KIAA1671: variants seen among roughly 807,000 people sequenced by gnomAD.
KIAA1671 encodes the protein uncharacterized protein KIAA1671.
Under a neutral mutation model 131.2 loss-of-function variants are expected in KIAA1671, and 52 were observed. The ratio of observed to expected loss-of-function variants is 0.40; its 90% CI spans 0.32 to 0.50. The LOEUF (loss-of-function observed/expected upper bound fraction) is 0.50. Ranked by LOEUF, KIAA1671 falls within the 20% of genes least tolerant of loss-of-function variation. The pLI, the probability that KIAA1671 is intolerant of heterozygous loss-of-function variation, is 0.73. For synonymous variants in KIAA1671, 1,003 were observed against 961.6 expected, an observed-to-expected ratio of 1.04 and a Z score of -0.80; for missense variants, 2,360 against 2,364.2, an observed-to-expected ratio of 1.00 and a Z score of 0.04.
intron 3 of KIAA1671, among the ~76,000 whole-genome samples, chr22:25,029,960 T>A (rs16979442): frequency 0.074 from 11,302 of 152,282 alleles, 1,404 homozygotes; most frequent in African/African-American, 0.26. Flanking sequence ...GGCCTAAGCC[T>A]TTATGAGTGG....
chr22:25,187,445 G>A (rs6004474), intron 11 of KIAA1671, among the ~76,000 whole-genome samples: 49,643 of 151,850 alleles, frequency 0.33, 8,499 homozygotes, highest in East Asian at 0.47. Context: ...ATGTTTTCCC[G>A]TGCCCATTTA....
chr22:25,028,014 C>G lies in KIAA1671; in HGVS notation c.15C>G (p.Val5=). Residue 5 remains valine (V), a synonymous_variant, in exon 3 of 13, where the codon GTC becomes GTG. Transcript: ENST00000358431. ...CAACCATAACCATGGCCACGCGGGTCGAGGTGGGCTCCATAACGCCCTTGA... is the reference window on the plus strand; with the variant it reads ...CAACCATAACCATGGCCACGCGGGTGGAGGTGGGCTCCATAACGCCCTTGA... MATR[V]EVGSITPLTA... is the part of the protein sequence containing the mutation. 6.7e-7 allele frequency: 1 copy of G among 1,494,888 alleles called. No homozygotes were observed. Among genetic ancestry groups the G allele is most frequent in the Non-Finnish European group, 8.9e-7 (1 of 1,118,050 alleles). 92.6% of individuals were successfully genotyped at this position (1,494,888 alleles called of 1,614,324 possible). A position where few individuals can be genotyped will look rare whatever the true frequency, so the allele number is the denominator to read the frequency against.
At chr22:24,988,600 G>T (rs1439334674) in intron 1 of KIAA1671, among the ~76,000 whole-genome samples, 1 of 148,852 alleles carries the variant, frequency 6.7e-6, no homozygotes. Flanking sequence ...GCCAGGCATG[G>T]TGGCTAGTGC....
Position 24,963,364 on chromosome 22 carries a change from CAAAAAAAAAAAAAAA to C in KIAA1671, c.-208+10602_-208+10616del, listed in dbSNP as rs766667437. Among the ~76,000 whole-genome samples, 8 of 46,646 alleles carry C rather than the reference CAAAAAAAAAAAAAAA, an allele frequency of 1.7e-4. No individual in the cohort carries two copies. In the South Asian group the frequency reaches 3.9e-3, roughly 23 times the overall value. 30.6% of individuals were successfully genotyped at this position (46,646 alleles called of 152,430 possible). A position where few individuals can be genotyped will look rare whatever the true frequency, so the allele number is the denominator to read the frequency against. ...GGGCAACAAGAGTGAAACTCCATCT[CAAAAAAAAAAAAAAA>C]AAAAAAAAAGTATCCTGTATTGATC... On this transcript the variant is annotated intron_variant, in intron 1 of 12. Transcript: ENST00000358431.
In KIAA1671 at chr22:25,196,324, A is replaced by C. The variant is rs893995533; in HGVS notation, c.*3923A>C. The stretch of plus-strand genomic sequence containing the variant: ...AGAATCTCCTTCAGTGGTTGCTCTC[A>C]CACCTGTGCCATAACATCATCTTCC... On this transcript the variant is annotated 3_prime_UTR_variant, in exon 13 of 13. Transcript: ENST00000358431. The C allele has an allele frequency of 1.3e-5, 2 of 152,008 alleles. No individual in the cohort carries two copies. Among genetic ancestry groups the C allele is most frequent in the African/African-American group, 4.8e-5 (2 of 41,358 alleles). The allele number at this position is 152,008 out of a possible 1,614,324, so 9.4% of individuals were successfully genotyped here. A position where few individuals can be genotyped will look rare whatever the true frequency, so the allele number is the denominator to read the frequency against.
At chr22:25,099,464 C>G (rs1452142733) in intron 6 of KIAA1671, among the ~76,000 whole-genome samples, 1 of 150,216 alleles carries the variant, frequency 6.7e-6, no homozygotes, top group Admixed American at 6.6e-5. Context: ...ATCGGAGCAG[C>G]CTTTGGATGA....
intron 9 of KIAA1671, among the ~76,000 whole-genome samples, chr22:25,180,860 A>G (rs544100782): frequency 6.6e-6 from 1 of 152,176 alleles, no homozygotes; most frequent in African/African-American, 2.4e-5. Context: ...GCCAAGTTCT[A>G]TTAAGCCACC....
At position 25,196,083 on chromosome 22, in the gene KIAA1671, A is replaced by T. The variant is rs1934817777; in HGVS notation, c.*3682A>T. On this transcript the variant is annotated 3_prime_UTR_variant, in exon 13 of 13. Coordinates refer to ENST00000358431, the MANE Select transcript of KIAA1671 (RefSeq NM_001145206.2). Reference sequence around the variant, plus strand: ...GGGCTCAGGAAGTTTAGAGCCACGTAAAAAGCTGGTAGGCATGAGTGTGCC... The same window carrying T: ...GGGCTCAGGAAGTTTAGAGCCACGTTAAAAGCTGGTAGGCATGAGTGTGCC... 6.6e-6 allele frequency: 1 copy of T among 152,166 alleles called. No individual in the cohort carries two copies. The highest frequency in any genetic ancestry group is 1.5e-5 in the Non-Finnish European group (1 of 68,032). 9.4% of individuals were successfully genotyped at this position (152,166 alleles called of 1,614,324 possible).
intron 11 of KIAA1671, among the ~76,000 whole-genome samples, chr22:25,187,672 G>A (rs1339805222): frequency 6.6e-6 from 1 of 152,034 alleles, no homozygotes; most frequent in Non-Finnish European, 1.5e-5. Context: ...ACCATGACTG[G>A]CAAATTTTTG....
At chr22:24,990,231 C>T (rs925482583) in intron 1 of KIAA1671, among the ~76,000 whole-genome samples, 11 of 152,102 alleles carry the variant, frequency 7.2e-5, no homozygotes, top group African/African-American at 2.4e-4. Context: ...GCTGGGATTA[C>T]AGGCACCCGC....
At chr22:25,102,189 C>T (rs144447407) in intron 6 of KIAA1671, among the ~76,000 whole-genome samples, 5 of 152,326 alleles carry the variant, frequency 3.3e-5, no homozygotes, top group East Asian at 1.9e-4. Flanking sequence ...AGGTTGCAGA[C>T]GCTGTCAAAG....
intron 5 of KIAA1671, among the ~76,000 whole-genome samples, chr22:25,048,456 G>C (rs1032682516): frequency 1.3e-5 from 2 of 152,170 alleles, no homozygotes; most frequent in Admixed American, 6.5e-5. Flanking sequence ...GTCTCTGAAG[G>C]CATCCAGAAA....
At chr22:25,009,253 CTTTTTTT>C (rs35147267) in intron 1 of KIAA1671, among the ~76,000 whole-genome samples, 4 of 62,766 alleles carry the variant, frequency 6.4e-5, no homozygotes, top group Admixed American at 2.0e-4. Flanking sequence ...CCCTTCCCCA[CTTTTTTT>C]TTTTTTTTTT....
At chr22:25,168,982 A>G (rs1053417603) in intron 6 of KIAA1671, among the ~76,000 whole-genome samples, 3 of 152,110 alleles carry the variant, frequency 2.0e-5, no homozygotes, top group Non-Finnish European at 4.4e-5. Context: ...TGAGCAGGAG[A>G]TGATATGAAG....
intron 1 of KIAA1671, among the ~76,000 whole-genome samples, chr22:25,009,253 C>CTTTTTT (rs35147267): frequency 3.2e-5 from 2 of 62,764 alleles, no homozygotes; most frequent in African/African-American, 6.2e-5. Context: ...CCCTTCCCCA[C>CTTTTTT]TTTTTTTTTT....
Position 25,028,159 on chromosome 22 carries a change from C to T in KIAA1671, c.160C>T (p.Leu54=). The change falls in exon 3 of 13, where the codon CTG becomes TTG. Residue 54 remains leucine (L), a synonymous_variant. Transcript: ENST00000358431. ...PARILEAKSP[L]RSPARLLPLP... ...CCGGATCTTGGAAGCGAAGAGCCCCCTGCGGAGCCCGGCCCGGTTACTCCC... is the reference window on the plus strand; with the variant it reads ...CCGGATCTTGGAAGCGAAGAGCCCCTTGCGGAGCCCGGCCCGGTTACTCCC... The T allele has an allele frequency of 1.3e-6, 2 of 1,550,718 alleles. No homozygotes were observed. Among genetic ancestry groups the T allele is most frequent in the South Asian group, 1.2e-5 (1 of 83,966 alleles).
In KIAA1671 at chr22:25,117,587, A is replaced by ACC. The variant is rs770732437; in HGVS notation, c.4531-53232_4531-53231insCC. Among the ~76,000 whole-genome samples the ACC allele has an allele frequency of 6.4e-3, 378 of 58,868 alleles. 1 individual carries two copies. Among genetic ancestry groups the ACC allele is most frequent in the Non-Finnish European group, 0.011 (301 of 26,576 alleles). 38.6% of individuals were successfully genotyped at this position (58,868 alleles called of 152,430 possible). A position where few individuals can be genotyped will look rare whatever the true frequency, so the allele number is the denominator to read the frequency against. On this transcript the variant is annotated intron_variant, in intron 6 of 12. Transcript: ENST00000358431. ...GCAGGGCTCAGCATCTCCCCCAACCACACACACACACACACACACACACAC... is the reference window on the plus strand; with the variant it reads ...GCAGGGCTCAGCATCTCCCCCAACCACCCACACACACACACACACACACACAC...
intron 6 of KIAA1671, among the ~76,000 whole-genome samples, chr22:25,108,921 C>T (rs887014603): frequency 2.0e-5 from 3 of 152,130 alleles, no homozygotes; most frequent in African/African-American, 7.2e-5. Context: ...CATAGTGGCT[C>T]ACTCACATGG....
In KIAA1671 at chr22:25,029,359, G is replaced by C; in HGVS notation, c.1360G>C (p.Val454Leu). ...FREDSTLALA[V>L]GSESPLATPA... ...GGAGGACAGCACCTTGGCCTTGGCA[G>C]TGGGGTCTGAATCTCCCCTGGCCAC... The change falls in exon 3 of 13, where the codon GTG becomes CTG. Residue 454 changes from valine to leucine, a missense_variant. Transcript: ENST00000358431. 1 of 1,551,136 alleles carries C rather than the reference G, an allele frequency of 6.4e-7. No individual in the cohort carries two copies.
Sources: gnomAD v4.1 joint callset for allele counts (sites outside exome capture counted in the v4.1 genomes callset) on GRCh38, gnomAD v4.1.1 for gene constraint, MANE v1.5 for transcripts, NCBI Gene and HGNC (gene_info 2026-07-23, HGNC 2026-07-21) for gene names.